The following ELAVL2 variants were observed in gnomAD, a reference collection of about 807,000 sequenced individuals.
ELAVL2 encodes ELAV like RNA binding protein 2, also known as ELAV-like protein 2.
ELAVL2 carries 4 observed loss-of-function variants against 34.6 expected under a neutral mutation model. That is an observed-to-expected ratio of 0.12 (90% CI 0.06 to 0.26). The LOEUF is 0.26. ELAVL2 is among the 10% of genes least tolerant of loss of function. The pLI, the probability that ELAVL2 is intolerant of heterozygous loss-of-function variation, is 1.00. For missense variants in ELAVL2, 432 were observed against 442.8 expected, an observed-to-expected ratio of 0.98 and a Z score of 0.22; for synonymous variants, 193 against 154.8, an observed-to-expected ratio of 1.25 and a Z score of -1.83.
chr9:23,800,826 G>A (rs1005308255), intron 1 of ELAVL2, among the ~76,000 whole-genome samples: 6 of 152,056 alleles, frequency 3.9e-5, no homozygotes, highest in Non-Finnish European at 5.9e-5. Flanking sequence ...CATCTGATAC[G>A]GGTGCCTTCA....
chr9:23,822,348 A>G (rs2064920175), intron 1 of ELAVL2, among the ~76,000 whole-genome samples: 1 of 152,090 alleles, frequency 6.6e-6, no homozygotes, highest in African/African-American at 2.4e-5. Context: ...TGACGTTTAA[A>G]TAAGCCCAGA....
At chr9:23,707,070 G>A (rs2039557794) in intron 3 of ELAVL2, among the ~76,000 whole-genome samples, 1 of 152,162 alleles carries the variant, frequency 6.6e-6, no homozygotes, top group African/African-American at 2.4e-5. Flanking sequence ...TTGGAATAGT[G>A]GTGGAGAAAA....
At position 23,692,339 on chromosome 9, in the gene ELAVL2, T is replaced by C; in HGVS notation, c.*218A>G. The stretch of plus-strand genomic sequence containing the variant: ...AATGCAATGTGACAGGTAAAAACCC[T>C]GTACCTCTTGTCCATATTCAAACAT... On this transcript the variant is annotated 3_prime_UTR_variant, in exon 7 of 7. Transcript: ENST00000397312. 3.7e-6 allele frequency: 2 copies of C among 544,444 alleles called. No homozygotes were observed. The highest frequency in any genetic ancestry group is 5.6e-5 in the South Asian group (2 of 35,536). The allele number at this position is 544,444 out of a possible 1,614,324, so 33.7% of individuals were successfully genotyped here. A position where few individuals can be genotyped will look rare whatever the true frequency, so the allele number is the denominator to read the frequency against.
chr9:23,800,574 G>A (rs777955716), intron 1 of ELAVL2, among the ~76,000 whole-genome samples: 2 of 152,254 alleles, frequency 1.3e-5, no homozygotes, highest in East Asian at 3.9e-4. Context: ...GAAATTTTAA[G>A]AATTCTTTCA....
intron 2 of ELAVL2, among the ~76,000 whole-genome samples, chr9:23,743,232 C>G (rs866558138): frequency 2.6e-5 from 4 of 152,174 alleles, no homozygotes; most frequent in Non-Finnish European, 5.9e-5. Flanking sequence ...TCTGAGACCA[C>G]AGGGCAACTT....
intron 3 of ELAVL2, among the ~76,000 whole-genome samples, chr9:23,717,047 G>C (rs1422084462): frequency 1.3e-5 from 2 of 152,188 alleles, no homozygotes; most frequent in African/African-American, 2.4e-5. Flanking sequence ...TCATAACGCA[G>C]GTGAGGAGAA....
chr9:23,784,421 C>T (rs2059441054), intron 1 of ELAVL2, among the ~76,000 whole-genome samples: 1 of 152,140 alleles, frequency 6.6e-6, no homozygotes, highest in South Asian at 2.1e-4. Flanking sequence ...AAGCTGAGAT[C>T]TAAAGATAAA....
At chr9:23,716,474 AAAAAC>A (rs1416009962) in intron 3 of ELAVL2, among the ~76,000 whole-genome samples, 7 of 152,200 alleles carry the variant, frequency 4.6e-5, no homozygotes, top group African/African-American at 7.2e-5. Flanking sequence ...GCATTAAAAC[AAAAAC>A]AAAACAAAAC....
In ELAVL2 at chr9:23,704,954, T is replaced by C. The variant is rs528481339; in HGVS notation, c.451A>G (p.Ile151Val). 4 of 1,614,152 alleles carry C rather than the reference T, an allele frequency of 2.5e-6. No homozygotes were observed. The highest frequency in any genetic ancestry group is 1.3e-5 in the African/African-American group (1 of 75,048). ...TCGACAAGAATACGAGAAGTAATAA[T>C]GCGTCCATATTGTGAAAAAAGCTGT... Reference protein sequence around the residue: ...LEQLFSQYGRIITSRILVDQV... With the variant: ...LEQLFSQYGRVITSRILVDQV... The change falls in exon 4 of 7, where the codon ATT becomes GTT. Residue 151 changes from isoleucine to valine, a missense_variant. By Grantham distance (29) the Ile-to-Val change is conservative. This residue lies in a region of ELAVL2 where 295 missense variants were observed against 306.1 expected (regional missense o/e 0.96). Coordinates refer to ENST00000397312, the MANE Select transcript of ELAVL2 (RefSeq NM_004432.5).
intron 1 of ELAVL2, among the ~76,000 whole-genome samples, chr9:23,805,963 T>A (rs1456690420): frequency 6.6e-6 from 1 of 152,090 alleles, no homozygotes; most frequent in Non-Finnish European, 1.5e-5. Context: ...CATTGTATAT[T>A]TTTTTCTGGG....
chr9:23,812,869 C>G (rs1433854566), intron 1 of ELAVL2, among the ~76,000 whole-genome samples: 1 of 152,002 alleles, frequency 6.6e-6, no homozygotes, highest in Admixed American at 6.5e-5. Flanking sequence ...CATTCTGATT[C>G]ATCGTTATAA....
Position 23,691,515 on chromosome 9 carries a change from AT to A in ELAVL2, c.*1041del, listed in dbSNP as rs1198213982. ...GAAGGGATTTCTTTAGGAAGAACAG[AT>A]TTTTTCCCCCATCTCTCGGTAATTT... is the stretch of plus-strand genomic sequence containing the variant. On this transcript the variant is annotated 3_prime_UTR_variant, in exon 7 of 7. Coordinates refer to ENST00000397312, the MANE Select transcript of ELAVL2 (RefSeq NM_004432.5). The A allele has an allele frequency of 6.6e-6, 1 of 152,184 alleles. No individual in the cohort carries two copies. The highest frequency in any genetic ancestry group is 1.5e-5 in the Non-Finnish European group (1 of 67,892). The allele number at this position is 152,184 out of a possible 1,614,324, so 9.4% of individuals were successfully genotyped here. A position where few individuals can be genotyped will look rare whatever the true frequency, so the allele number is the denominator to read the frequency against.
rs555467339 is a variant in ELAVL2 at position 23,816,960 on chromosome 9, C to T, written c.-16+8846G>A. ...GGAGCATCTGTATTAGATTGGCCAA[C>T]GGAAAAATATACAGGTACATCAAAC... On this transcript the variant is annotated intron_variant, in intron 1 of 6. Transcript: ENST00000397312. 2.6e-5 allele frequency among the ~76,000 whole-genome samples: 4 copies of T among 151,628 alleles called. No individual in the cohort carries two copies. In the South Asian group the frequency reaches 6.2e-4, roughly 24 times the overall value.
intron 1 of ELAVL2, among the ~76,000 whole-genome samples, chr9:23,790,791 T>C (rs527993942): frequency 6.6e-6 from 1 of 152,324 alleles, no homozygotes; most frequent in East Asian, 1.9e-4. Context: ...CTTGAGGATG[T>C]CTGCTCTGGA....
At chr9:23,801,621 T>C (rs1187504456) in intron 1 of ELAVL2, among the ~76,000 whole-genome samples, 1 of 152,222 alleles carries the variant, frequency 6.6e-6, no homozygotes, top group Admixed American at 6.5e-5. Flanking sequence ...ATGTCACTGT[T>C]ACTGACATTT....
At chr9:23,821,842 C>T (rs1308536226) in intron 1 of ELAVL2, 1 of 151,486 alleles carries the variant, frequency 6.6e-6, no homozygotes. Context: ...GCGGTCCCGC[C>T]GTTTGTAGCG....
chr9:23,693,354 A>G, intron 6 of ELAVL2, 94 bp downstream of exon 6: 1 of 1,491,868 alleles, frequency 6.7e-7, no homozygotes, highest in African/African-American at 1.4e-5. Flanking sequence ...AAACCCAACA[A>G]AAACTTATGA....
intron 3 of ELAVL2, among the ~76,000 whole-genome samples, chr9:23,716,838 G>C (rs1452743196): frequency 6.6e-6 from 1 of 152,212 alleles, no homozygotes; most frequent in Non-Finnish European, 1.5e-5. Context: ...CTTCCATACT[G>C]AATGATGAAG....
At chr9:23,806,398 G>A (rs1192025381) in intron 1 of ELAVL2, among the ~76,000 whole-genome samples, 3 of 152,158 alleles carry the variant, frequency 2.0e-5, no homozygotes, top group South Asian at 2.1e-4. Context: ...CACTTTGGAA[G>A]TCCAAAGCAG....
Sources: gnomAD v4.1 joint callset for allele counts (sites outside exome capture counted in the v4.1 genomes callset) on GRCh38, gnomAD v4.1.1 for gene constraint, gnomAD v4.1.1 regional missense constraint, MANE v1.5 for transcripts, NCBI Gene and HGNC (gene_info 2026-07-23, HGNC 2026-07-21) for gene names.